The following PTPRD variants were observed in gnomAD, a reference collection of about 807,000 sequenced individuals.
PTPRD encodes the protein protein tyrosine phosphatase receptor type D.
In PTPRD, 34 loss-of-function variants were observed where a neutral mutation model predicts 214.5. That is an observed-to-expected ratio of 0.16 (90% CI 0.12 to 0.21). The LOEUF (loss-of-function observed/expected upper bound fraction) is 0.21. PTPRD is among the 10% of genes least tolerant of loss of function. PTPRD has a pLI of 1.00. For missense variants in PTPRD, 2,545 were observed against 2,398.7 expected (o/e 1.06, Z -1.27); for synonymous variants, 1,128 against 845.7 (o/e 1.33, Z -5.79).
chr9:9,162,144 C>T (rs1310498239), intron 10 of PTPRD, among the ~76,000 whole-genome samples: 1 of 152,122 alleles, frequency 6.6e-6, no homozygotes, highest in Non-Finnish European at 1.5e-5. Context: ...GAAAATTCCT[C>T]ACAGTGAGAT....
chr9:10,171,157 C>G (rs1228033024), intron 3 of PTPRD, among the ~76,000 whole-genome samples: 2 of 152,094 alleles, frequency 1.3e-5, no homozygotes, highest in African/African-American at 4.8e-5. Context: ...ATATCTATAC[C>G]TGGGAGATCT....
intron 9 of PTPRD, among the ~76,000 whole-genome samples, chr9:9,301,143 C>G (rs1441643537): frequency 6.6e-6 from 1 of 151,748 alleles, no homozygotes; most frequent in Non-Finnish European, 1.5e-5. Context: ...TAACTAGGTA[C>G]AATCTTTAAT....
At chr9:10,284,783 AG>A (rs2095285776) in intron 3 of PTPRD, among the ~76,000 whole-genome samples, 1 of 142,636 alleles carries the variant, frequency 7.0e-6, no homozygotes, top group African/African-American at 3.1e-5. Flanking sequence ...CCAGGAGGAG[AG>A]AGAGAGAGAG....
chr9:10,113,382 T>G (rs1288434324), intron 3 of PTPRD, among the ~76,000 whole-genome samples: 1 of 152,228 alleles, frequency 6.6e-6, no homozygotes, highest in African/African-American at 2.4e-5. Flanking sequence ...CAGGTACTTA[T>G]CATTCCCACA....
At chr9:9,041,954 A>G (rs1280459553) in intron 10 of PTPRD, among the ~76,000 whole-genome samples, 1 of 152,216 alleles carries the variant, frequency 6.6e-6, no homozygotes, top group African/African-American at 2.4e-5. Flanking sequence ...TTGTCTTGGC[A>G]GAAAACGGAC....
chr9:9,309,132 A>T (rs1958077054), intron 9 of PTPRD, among the ~76,000 whole-genome samples: 1 of 152,104 alleles, frequency 6.6e-6, no homozygotes, highest in Non-Finnish European at 1.5e-5. Context: ...TTCAAAAAAG[A>T]TATTATTTTA....
intron 9 of PTPRD, among the ~76,000 whole-genome samples, chr9:9,375,138 ATTT>A (rs1184090793): frequency 6.6e-6 from 1 of 152,164 alleles, no homozygotes; most frequent in African/African-American, 2.4e-5. Context: ...TGAAAGAAAC[ATTT>A]TTGTTAATAT....
In PTPRD at chr9:8,363,808, A is replaced by G. The variant is rs1431620322; in HGVS notation, c.4661+12128T>C. On this transcript the variant is annotated intron_variant, in intron 39 of 45. Coordinates refer to ENST00000381196, the MANE Select transcript of PTPRD (RefSeq NM_002839.4). ...AGCTATGTTTTGTATCCAAAAAGAA[A>G]TTTTTGCTAGCTGAATTCATCATCA... Among the ~76,000 whole-genome samples, 5 of 152,284 alleles carry G rather than the reference A, an allele frequency of 3.3e-5. No individual in the cohort carries two copies. In the South Asian group the frequency reaches 8.3e-4, roughly 25 times the overall value.
intron 14 of PTPRD, among the ~76,000 whole-genome samples, chr9:8,607,067 A>G (rs2095253075): frequency 6.6e-6 from 1 of 152,218 alleles, no homozygotes; most frequent in South Asian, 2.1e-4. Context: ...CATTGGACAA[A>G]GGATACAAAA....
At chr9:9,297,236 G>A (rs968430738) in intron 9 of PTPRD, among the ~76,000 whole-genome samples, 3 of 151,598 alleles carry the variant, frequency 2.0e-5, no homozygotes, top group African/African-American at 7.3e-5. Context: ...AGTCAGACTA[G>A]AATTTATGAT....
chr9:8,411,501 G>A (rs1410076889), intron 35 of PTPRD, among the ~76,000 whole-genome samples: 2 of 151,850 alleles, frequency 1.3e-5, no homozygotes, highest in East Asian at 1.9e-4. Flanking sequence ...GCAGGGTTTC[G>A]CCATGTTGGC....
intron 11 of PTPRD, among the ~76,000 whole-genome samples, chr9:8,867,145 G>T (rs2098213305): frequency 1.3e-5 from 2 of 152,080 alleles, no homozygotes; most frequent in South Asian, 4.1e-4. Context: ...ACAGATGACG[G>T]ACACTCTTAA....
intron 10 of PTPRD, among the ~76,000 whole-genome samples, chr9:9,049,327 G>T (rs1015932448): frequency 3.3e-5 from 5 of 152,158 alleles, no homozygotes; most frequent in Non-Finnish European, 5.9e-5. Flanking sequence ...GAAAATCCAA[G>T]AATAGGTGCT....
chr9:9,074,772 T>C (rs1569529216), intron 10 of PTPRD, among the ~76,000 whole-genome samples: 1 of 151,828 alleles, frequency 6.6e-6, no homozygotes, highest in Non-Finnish European at 1.5e-5. Flanking sequence ...TAATCCCTCA[T>C]GAGATGTACG....
At chr9:9,957,117 C>T (rs1195950909) in intron 4 of PTPRD, among the ~76,000 whole-genome samples, 2 of 152,118 alleles carry the variant, frequency 1.3e-5, no homozygotes, top group African/African-American at 4.8e-5. Flanking sequence ...AGCATGCCCA[C>T]TGTATTCATT....
chr9:9,708,133 T>C (rs982698532), intron 7 of PTPRD, among the ~76,000 whole-genome samples: 1 of 152,140 alleles, frequency 6.6e-6, no homozygotes, highest in African/African-American at 2.4e-5. Flanking sequence ...TTTAGTTCTA[T>C]AGTTCTGCCT....
intron 25 of PTPRD, among the ~76,000 whole-genome samples, chr9:8,497,694 G>A (rs1178891834): frequency 6.6e-6 from 1 of 152,062 alleles, no homozygotes; most frequent in East Asian, 1.9e-4. Flanking sequence ...TTTCAGTGAA[G>A]AGTCAAGGAA....
chr9:10,255,541 G>A (rs563965307), intron 3 of PTPRD, among the ~76,000 whole-genome samples: 100 of 152,186 alleles, frequency 6.6e-4, no homozygotes, highest in African/African-American at 2.2e-3. Flanking sequence ...AGAGGTGCGC[G>A]AATATAAAGG....
chr9:9,086,673 T>C (rs2099767488), intron 10 of PTPRD, among the ~76,000 whole-genome samples: 1 of 152,200 alleles, frequency 6.6e-6, no homozygotes, highest in African/African-American at 2.4e-5. Context: ...CAGGATGCCA[T>C]TCCCTTGGTC....
Sources: gnomAD v4.1 joint callset for allele counts (sites outside exome capture counted in the v4.1 genomes callset) on GRCh38, gnomAD v4.1.1 for gene constraint, MANE v1.5 for transcripts, NCBI Gene and HGNC (gene_info 2026-07-23, HGNC 2026-07-21) for gene names.